CRYZL1: variants seen among roughly 807,000 people sequenced by gnomAD.
CRYZL1 encodes crystallin zeta like 1.
In CRYZL1, 34 loss-of-function variants were observed where a neutral mutation model predicts 50.6. The ratio of observed to expected loss-of-function variants is 0.67; its 90% CI spans 0.51 to 0.89. The LOEUF is 0.89. Ranked by LOEUF, CRYZL1 falls within the 40% of genes least tolerant of loss-of-function variation. The pLI, the probability that CRYZL1 is intolerant of heterozygous loss-of-function variation, is 0.00. For missense variants in CRYZL1, 354 were observed against 402.3 expected (o/e 0.88, Z 1.03); for synonymous variants, 125 against 134.3 (o/e 0.93, Z 0.48).
At position 33,605,530 on chromosome 21, in the gene CRYZL1, C is replaced by CTTTTTTTTTCTTTTTTTTTTTTTTTTTTT. The variant is rs2086802770; in HGVS notation, c.332-1994_332-1993insAAAAAAAAAAAAAAAAAAAGAAAAAAAAA. On this transcript the variant is annotated intron_variant, in intron 6 of 12. Coordinates refer to ENST00000381554, the MANE Select transcript of CRYZL1 (RefSeq NM_145858.3). ...GTAATTTTTCCGCAGTACAAGAATT[C>CTTTTTTTTTCTTTTTTTTTTTTTTTTTTT]TTTTTTTTTTGAGATGGAGTCTCAC... 3.8e-5 allele frequency among the ~76,000 whole-genome samples: 2 copies of CTTTTTTTTTCTTTTTTTTTTTTTTTTTTT among 53,196 alleles called. 1 individual carries two copies. The highest frequency in any genetic ancestry group is 1.6e-4 in the African/African-American group (2 of 12,340). 34.9% of individuals were successfully genotyped at this position (53,196 alleles called of 152,430 possible).
chr21:33,592,153 T>G (rs569230766), intron 11 of CRYZL1, among the ~76,000 whole-genome samples: 1 of 151,192 alleles, frequency 6.6e-6, no homozygotes, highest in East Asian at 1.9e-4. Context: ...CTTTTTTTTT[T>G]TTTTTTTGAG....
At chr21:33,634,334 T>C (rs1199569334) in intron 1 of CRYZL1, among the ~76,000 whole-genome samples, 2 of 152,138 alleles carry the variant, frequency 1.3e-5, no homozygotes, top group African/African-American at 4.8e-5. Flanking sequence ...ATACCCTCTA[T>C]CTAGTTAGTA....
chr21:33,608,272 T>A (rs1016864319), intron 6 of CRYZL1, among the ~76,000 whole-genome samples: 1 of 152,132 alleles, frequency 6.6e-6, no homozygotes, highest in African/African-American at 2.4e-5. Context: ...CTGGCCAGCA[T>A]GGAGAAACCC....
Position 33,589,663 on chromosome 21 carries a change from T to C in CRYZL1, c.*159A>G, listed in dbSNP as rs763776784. On this transcript the variant is annotated 3_prime_UTR_variant, in exon 13 of 13. Coordinates refer to ENST00000381554, the MANE Select transcript of CRYZL1 (RefSeq NM_145858.3). ...TTGCACAAGAATTTTTCAAACACTT[T>C]TCAAATGTGTCAACTGAGCATCTTG... 13 of 584,350 alleles carry C rather than the reference T, an allele frequency of 2.2e-5. No homozygotes were observed. Among genetic ancestry groups the C allele is most frequent in the Non-Finnish European group, 3.7e-5 (12 of 322,072 alleles). 36.2% of individuals were successfully genotyped at this position (584,350 alleles called of 1,614,324 possible). A position where few individuals can be genotyped will look rare whatever the true frequency, so the allele number is the denominator to read the frequency against.
At chr21:33,610,791 T>A (rs1254460617) in intron 6 of CRYZL1, among the ~76,000 whole-genome samples, 7 of 144,592 alleles carry the variant, frequency 4.8e-5, no homozygotes, top group Non-Finnish European at 1.0e-4. Flanking sequence ...TGGAGTACAG[T>A]GGCACTGTTG....
intron 10 of CRYZL1, chr21:33,596,255 TA>T: frequency 2.4e-6 from 1 of 421,468 alleles, no homozygotes. Context: ...CCAATTTGAA[TA>T]ATTAGGAAAT....
chr21:33,627,945 C>T (rs2087088074), intron 2 of CRYZL1, among the ~76,000 whole-genome samples: 1 of 151,952 alleles, frequency 6.6e-6, no homozygotes, highest in African/African-American at 2.4e-5. Context: ...CAGGGTTTCA[C>T]CGTGTTAGCC....
intron 4 of CRYZL1, 40 bp downstream of exon 4, chr21:33,621,956 C>G (rs1419451830): frequency 2.8e-6 from 4 of 1,413,126 alleles, no homozygotes; most frequent in Non-Finnish European, 3.9e-6. Context: ...TCTCTTTTAC[C>G]TTAGAAAATA....
chr21:33,641,179 A>G (rs1406085713), intron 1 of CRYZL1: 8 of 1,550,454 alleles, frequency 5.2e-6, no homozygotes, highest in East Asian at 2.4e-5. Context: ...CGATGCTTAC[A>G]TCTCGCTCCA....
chr21:33,592,648 A>G (rs1299031334), intron 11 of CRYZL1, among the ~76,000 whole-genome samples: 3 of 152,244 alleles, frequency 2.0e-5, no homozygotes, highest in Non-Finnish European at 4.4e-5. Flanking sequence ...AGAATGACAC[A>G]GTTGGAAGGA....
At chr21:33,630,402 A>G (rs1381999850) in intron 2 of CRYZL1, among the ~76,000 whole-genome samples, 1 of 152,096 alleles carries the variant, frequency 6.6e-6, no homozygotes, top group East Asian at 1.9e-4. Flanking sequence ...CCTGGCCAAC[A>G]TGGCGAAACC....
chr21:33,602,108 G>A (rs2086763190), intron 8 of CRYZL1, 126 bp downstream of exon 8: 4 of 596,628 alleles, frequency 6.7e-6, no homozygotes, highest in Non-Finnish European at 1.2e-5. Context: ...CCAAGGTGCT[G>A]AGGTTACAGT....
intron 2 of CRYZL1, among the ~76,000 whole-genome samples, chr21:33,629,769 T>C (rs1601349115): frequency 6.6e-6 from 1 of 152,228 alleles, no homozygotes; most frequent in Non-Finnish European, 1.5e-5. Context: ...TATTATTATG[T>C]TGAATAGAAG....
intron 1 of CRYZL1, chr21:33,633,529 C>T (rs1254425093): frequency 6.6e-6 from 1 of 152,502 alleles, no homozygotes; most frequent in East Asian, 1.9e-4. Flanking sequence ...ATTCTCCTGC[C>T]TCAGCCACCC....
At chr21:33,622,255 A>C (rs1270953991) in intron 3 of CRYZL1, among the ~76,000 whole-genome samples, 187 bp from the exon 4 acceptor site, 1 of 152,256 alleles carries the variant, frequency 6.6e-6, no homozygotes, top group East Asian at 1.9e-4. Flanking sequence ...CCAAGAATTT[A>C]CTGAGGCATT....
At chr21:33,631,971 G>A (rs1436853567) in intron 1 of CRYZL1, among the ~76,000 whole-genome samples, 6 of 152,086 alleles carry the variant, frequency 3.9e-5, no homozygotes, top group African/African-American at 9.7e-5. Flanking sequence ...CCAAGACACC[G>A]GTTGAAAATT....
intron 2 of CRYZL1, among the ~76,000 whole-genome samples, chr21:33,630,800 A>G (rs539579127): frequency 6.6e-6 from 1 of 152,362 alleles, no homozygotes; most frequent in South Asian, 2.1e-4. Flanking sequence ...ACACAACAGA[A>G]TACTATTCAG....
chr21:33,610,444 C>T (rs1411228460), intron 6 of CRYZL1, among the ~76,000 whole-genome samples: 3 of 152,162 alleles, frequency 2.0e-5, no homozygotes, highest in Non-Finnish European at 4.4e-5. Flanking sequence ...GCATGAGCCA[C>T]CACGCCTGTC....
At chr21:33,620,902 C>CTTTTTTT in intron 4 of CRYZL1, among the ~76,000 whole-genome samples, 1 of 69,134 alleles carries the variant, frequency 1.4e-5, no homozygotes, top group African/African-American at 5.3e-5. Flanking sequence ...GGTGTCCAAT[C>CTTTTTTT]TTTTTTTTTT....
Sources: gnomAD v4.1 joint callset for allele counts (sites outside exome capture counted in the v4.1 genomes callset) on GRCh38, gnomAD v4.1.1 for gene constraint, MANE v1.5 for transcripts, NCBI Gene and HGNC (gene_info 2026-07-23, HGNC 2026-07-21) for gene names.